Variants in ANKIB1 observed in about 807,000 individuals in gnomAD.
The protein encoded by ANKIB1 is ankyrin repeat and IBR domain-containing protein 1.
Under a neutral mutation model 122.1 loss-of-function variants are expected in ANKIB1, and 43 were observed. The observed-to-expected ratio is 0.35, with a 90% confidence interval of 0.28 to 0.45. The LOEUF is 0.45. Ranked by LOEUF, ANKIB1 falls within the 20% of genes least tolerant of loss-of-function variation. ANKIB1 has a pLI of 1.00. For missense variants in ANKIB1, 992 were observed against 1,329.5 expected, an observed-to-expected ratio of 0.75 and a Z score of 3.95; for synonymous variants, 390 against 442.0, an observed-to-expected ratio of 0.88 and a Z score of 1.48.
At chr7:92,339,178 A>T (rs958854497) in intron 5 of ANKIB1, among the ~76,000 whole-genome samples, 2 of 147,728 alleles carry the variant, frequency 1.4e-5, no homozygotes, top group Non-Finnish European at 3.0e-5. Flanking sequence ...AGTAGCTGGG[A>T]CAACAGGCAC....
At chr7:92,383,008 A>G (rs1360974503) in intron 11 of ANKIB1, among the ~76,000 whole-genome samples, 1 of 152,128 alleles carries the variant, frequency 6.6e-6, no homozygotes, top group Non-Finnish European at 1.5e-5. Flanking sequence ...ACTAATAAAG[A>G]AGAAAAGAGA....
intron 5 of ANKIB1, among the ~76,000 whole-genome samples, chr7:92,339,054 T>G (rs1803374964): frequency 7.5e-6 from 1 of 132,482 alleles, no homozygotes. Flanking sequence ...TTTTTTTTTT[T>G]TTTTTGAGAC....
chr7:92,329,904 A>G (rs1803126923), intron 5 of ANKIB1, among the ~76,000 whole-genome samples: 1 of 152,136 alleles, frequency 6.6e-6, no homozygotes. Context: ...TCTTTCACCC[A>G]ACTAATTTCT....
intron 5 of ANKIB1, among the ~76,000 whole-genome samples, chr7:92,342,053 G>GA (rs532767911): frequency 0.015 from 2,199 of 143,728 alleles, 43 homozygotes; most frequent in African/African-American, 0.051. Flanking sequence ...TAATATAGTT[G>GA]AAAAAAAAAA....
chr7:92,376,860 T>C lies in ANKIB1; in HGVS notation c.1617+5253T>C, dbSNP rs189280406. Among the ~76,000 whole-genome samples the C allele has an allele frequency of 2.6e-5, 4 of 152,360 alleles. No individual in the cohort carries two copies. In the East Asian group the frequency reaches 5.8e-4, roughly 22 times the overall value. On this transcript the variant is annotated intron_variant, in intron 11 of 19. Coordinates refer to ENST00000265742, the MANE Select transcript of ANKIB1 (RefSeq NM_019004.2). ...GCTTCCTTACCTGTCTCTGTCTTCA[T>C]AGAACTGAAAAGAGCTAGGGCCTTG...
chr7:92,324,156 A>G (rs1036476484), intron 4 of ANKIB1, among the ~76,000 whole-genome samples: 2 of 152,252 alleles, frequency 1.3e-5, no homozygotes, highest in African/African-American at 4.8e-5. Context: ...TGATTGTACA[A>G]CACTGAAAAT....
At chr7:92,313,639 T>C (rs1802736361) in intron 3 of ANKIB1, among the ~76,000 whole-genome samples, 1 of 152,154 alleles carries the variant, frequency 6.6e-6, no homozygotes, top group African/African-American at 2.4e-5. Flanking sequence ...GTAGTAAGAT[T>C]GGAGTGGGTA....
chr7:92,274,970 A>G (rs1256822114), intron 1 of ANKIB1, among the ~76,000 whole-genome samples: 2 of 152,144 alleles, frequency 1.3e-5, no homozygotes, highest in African/African-American at 4.8e-5. Flanking sequence ...GCCACATCCC[A>G]TGCCTCAAAG....
intron 1 of ANKIB1, among the ~76,000 whole-genome samples, chr7:92,249,798 A>T (rs1182255232): frequency 6.6e-6 from 1 of 152,090 alleles, no homozygotes; most frequent in Non-Finnish European, 1.5e-5. Flanking sequence ...TAAGTGCTTT[A>T]CATACGTTAT....
chr7:92,355,626 G>T (rs1458055350), intron 9 of ANKIB1, among the ~76,000 whole-genome samples: 1 of 151,986 alleles, frequency 6.6e-6, no homozygotes, highest in Non-Finnish European at 1.5e-5. Flanking sequence ...GAGGCAGGGG[G>T]ATCATGAGGT....
At chr7:92,363,037 A>C (rs1474581264) in intron 10 of ANKIB1, among the ~76,000 whole-genome samples, 1 of 152,094 alleles carries the variant, frequency 6.6e-6, no homozygotes, top group African/African-American at 2.4e-5. Context: ...AGTGAAAATT[A>C]ATTAGTTCTG....
intron 3 of ANKIB1, among the ~76,000 whole-genome samples, chr7:92,314,216 T>C (rs1802747400): frequency 6.6e-6 from 1 of 151,882 alleles, no homozygotes; most frequent in South Asian, 2.1e-4. Context: ...AAGGATCACT[T>C]GAGCCCAGGA....
At chr7:92,368,755 G>A (rs936056243) in intron 10 of ANKIB1, among the ~76,000 whole-genome samples, 4 of 152,156 alleles carry the variant, frequency 2.6e-5, no homozygotes, top group Admixed American at 6.6e-5. Flanking sequence ...AGGGACAGAC[G>A]TATAGAATAA....
At chr7:92,254,565 T>C (rs985810342) in intron 1 of ANKIB1, among the ~76,000 whole-genome samples, 3 of 152,162 alleles carry the variant, frequency 2.0e-5, no homozygotes, top group Non-Finnish European at 2.9e-5. Flanking sequence ...CCTAACTACT[T>C]ATGAGGCTAG....
At chr7:92,297,492 T>A (rs952195740) in intron 2 of ANKIB1, among the ~76,000 whole-genome samples, 2 of 152,216 alleles carry the variant, frequency 1.3e-5, no homozygotes, top group African/African-American at 4.8e-5. Context: ...TTCTCACCGC[T>A]ATAATCCTTA....
chr7:92,381,083 C>A (rs1804501864), intron 11 of ANKIB1, among the ~76,000 whole-genome samples: 1 of 152,012 alleles, frequency 6.6e-6, no homozygotes, highest in Non-Finnish European at 1.5e-5. Flanking sequence ...GAGCTGAAAA[C>A]CATGGCACGA....
In ANKIB1 at chr7:92,393,094, T is replaced by C. The variant is rs577433865; in HGVS notation, c.2283+802T>C. On this transcript the variant is annotated intron_variant, in intron 17 of 19. Transcript: ENST00000265742. The stretch of plus-strand genomic sequence containing the variant: ...AATTTTTGGAAGGGTACAGAACAAA[T>C]GAGGAAATCTTTGTTTGTAATGTAT... Among the ~76,000 whole-genome samples the C allele has an allele frequency of 2.6e-5, 4 of 152,204 alleles. No individual in the cohort carries two copies. In the East Asian group the frequency reaches 7.7e-4, roughly 29 times the overall value.
At chr7:92,385,056 C>A (rs1190647791) in intron 11 of ANKIB1, among the ~76,000 whole-genome samples, 3 of 152,098 alleles carry the variant, frequency 2.0e-5, no homozygotes, top group Non-Finnish European at 4.4e-5. Context: ...ACAACCCCAT[C>A]AAAAAGTGGG....
At chr7:92,345,604 A>G (rs749899896) in intron 7 of ANKIB1, among the ~76,000 whole-genome samples, 36 of 152,092 alleles carry the variant, frequency 2.4e-4, no homozygotes, top group African/African-American at 8.2e-4. Flanking sequence ...ACCTTTCAAG[A>G]TTTATACTTT....
Sources: gnomAD v4.1 joint callset for allele counts (sites outside exome capture counted in the v4.1 genomes callset) on GRCh38, gnomAD v4.1.1 for gene constraint, MANE v1.5 for transcripts, NCBI Gene and HGNC (gene_info 2026-07-23, HGNC 2026-07-21) for gene names.